The following XXYLT1 variants were observed in gnomAD, a reference collection of about 807,000 sequenced individuals.
XXYLT1 encodes the protein UDP-xylose:alpha-xyloside alpha-1,3-xylosyltransferase.
In XXYLT1, 20 loss-of-function variants were observed where a neutral mutation model predicts 28.9. That is an observed-to-expected ratio of 0.69 (90% confidence interval 0.49 to 1.00). The LOEUF is 1.00. Ranked by LOEUF, XXYLT1 falls within the 50% of genes least tolerant of loss-of-function variation. The pLI, the probability that XXYLT1 is intolerant of heterozygous loss-of-function variation, is 0.00. For synonymous variants in XXYLT1, 257 were observed against 253.8 expected, an observed-to-expected ratio of 1.01 and a Z score of -0.12; for missense variants, 542 against 560.1, an observed-to-expected ratio of 0.97 and a Z score of 0.33.
Position 195,255,443 on chromosome 3 carries a change from C to A in XXYLT1, c.504+15112G>T, listed in dbSNP as rs1056815857. ...GGCAATGGGTTGGAGGGAGCCATGA[C>A]TCTGGGCCTGCAGCTGAGGAGGCTG... On this transcript the variant is annotated intron_variant, in intron 1 of 3. Transcript: ENST00000310380. The surrounding 1 kb of genome is among the most constrained non-coding windows in gnomAD (Gnocchi z 4.5). Among the ~76,000 whole-genome samples, 1 of 151,100 alleles carries A rather than the reference C, an allele frequency of 6.6e-6. No homozygotes were observed. The highest frequency in any genetic ancestry group is 1.5e-5 in the Non-Finnish European group (1 of 67,384).
At chr3:195,261,686 G>GT (rs983281625) in intron 1 of XXYLT1, among the ~76,000 whole-genome samples, 3 of 152,088 alleles carry the variant, frequency 2.0e-5, no homozygotes, top group South Asian at 4.2e-4. Context: ...GTTTTTTGGG[G>GT]TTTTTTTAAG....
chr3:195,239,797 C>T (rs544688249), intron 1 of XXYLT1, among the ~76,000 whole-genome samples: 6 of 152,232 alleles, frequency 3.9e-5, no homozygotes, highest in Non-Finnish European at 7.4e-5. Flanking sequence ...GTGTTGGATA[C>T]GGTTCCCTGT....
At chr3:195,236,305 C>T (rs190973610) in intron 1 of XXYLT1, among the ~76,000 whole-genome samples, 287 of 152,192 alleles carry the variant, frequency 1.9e-3, no homozygotes, top group African/African-American at 6.8e-3. Flanking sequence ...GCAACAAAAC[C>T]ACAAGATAAA....
At chr3:195,243,359 T>TAAA (rs550882445) in intron 1 of XXYLT1, among the ~76,000 whole-genome samples, 2 of 140,898 alleles carry the variant, frequency 1.4e-5, no homozygotes, top group African/African-American at 5.2e-5. Flanking sequence ...CAAAGTATAA[T>TAAA]AAAAAAAAAA....
At chr3:195,082,716 G>C (rs1373839405) in intron 3 of XXYLT1, among the ~76,000 whole-genome samples, 1 of 152,148 alleles carries the variant, frequency 6.6e-6, no homozygotes, top group Non-Finnish European at 1.5e-5. Flanking sequence ...GGGTGTGGTG[G>C]CGCGTGCCTA....
rs887712934 is a variant in XXYLT1 at position 195,141,108 on chromosome 3, C to T, written c.785+15341G>A. Among the ~76,000 whole-genome samples the T allele has an allele frequency of 1.6e-4, 24 of 152,274 alleles. 1 individual carries two copies. Among genetic ancestry groups the T allele is most frequent in the Admixed American group, 2.6e-4 (4 of 15,298 alleles). On this transcript the variant is annotated intron_variant, in intron 3 of 3. Transcript: ENST00000310380. ...TGCCAGCACCTTGATCTTGGACTTC[C>T]CAGCCTAAAGAACTGTGAGCAATAA...
intron 2 of XXYLT1, among the ~76,000 whole-genome samples, chr3:195,171,607 C>T (rs140335810): frequency 1.3e-5 from 2 of 152,174 alleles, no homozygotes; most frequent in African/African-American, 2.4e-5. Context: ...TGCAGTTTCC[C>T]GATCTCCATG....
intron 1 of XXYLT1, among the ~76,000 whole-genome samples, chr3:195,243,415 G>A (rs545775688): frequency 6.4e-4 from 96 of 150,678 alleles, no homozygotes; most frequent in African/African-American, 2.1e-3. Flanking sequence ...AATTTCCACC[G>A]AGAACCTTTA....
intron 2 of XXYLT1, among the ~76,000 whole-genome samples, chr3:195,224,155 G>A (rs760603298): frequency 6.6e-6 from 1 of 151,200 alleles, no homozygotes; most frequent in East Asian, 1.9e-4. Flanking sequence ...GCAAAACTCC[G>A]CCTAAAAATA....
chr3:195,216,007 G>C (rs1196548777), intron 2 of XXYLT1, among the ~76,000 whole-genome samples: 7 of 151,054 alleles, frequency 4.6e-5, no homozygotes, highest in African/African-American at 1.5e-4. Context: ...TAGAACTCAG[G>C]ATTAAGAATC....
chr3:195,142,300 TTTATCTTTACTTACTA>T (rs1719533508), intron 3 of XXYLT1, among the ~76,000 whole-genome samples: 1 of 152,240 alleles, frequency 6.6e-6, no homozygotes, highest in African/African-American at 2.4e-5. Flanking sequence ...TCTCATGATG[TTTATCTTTACTTACTA>T]TGGTGGGCAG....
chr3:195,139,679 G>C (rs1719385866), intron 3 of XXYLT1, among the ~76,000 whole-genome samples: 3 of 152,086 alleles, frequency 2.0e-5, no homozygotes. Flanking sequence ...ATAAGACAAA[G>C]GCCCCTTCCC....
chr3:195,221,365 G>A (rs1477549780), intron 2 of XXYLT1, among the ~76,000 whole-genome samples: 3 of 152,210 alleles, frequency 2.0e-5, no homozygotes, highest in African/African-American at 7.2e-5. Flanking sequence ...ACTGACATGA[G>A]CCCATGAAGC....
chr3:195,175,511 T>TGTG (rs200404095), intron 2 of XXYLT1: 132,664 of 1,468,968 alleles, frequency 0.09, 7,425 homozygotes, highest in East Asian at 0.25. Flanking sequence ...GCATGTTGAC[T>TGTG]TTGCTGCACC....
At chr3:195,197,309 C>T (rs751771087) in intron 2 of XXYLT1, among the ~76,000 whole-genome samples, 2 of 152,030 alleles carry the variant, frequency 1.3e-5, no homozygotes. Context: ...TGGTGGTGCA[C>T]GCCTGTAGTC....
Position 195,265,187 on chromosome 3 carries a change from T to C in XXYLT1, c.504+5368A>G, listed in dbSNP as rs138328925. Among the ~76,000 whole-genome samples, 589 of 151,758 alleles carry C rather than the reference T, an allele frequency of 3.9e-3. 6 individuals are homozygous for C. Among genetic ancestry groups the C allele is most frequent in the African/African-American group, 0.014 (570 of 41,364 alleles). On this transcript the variant is annotated intron_variant, in intron 1 of 3. Transcript: ENST00000310380. ...GAGTTCATGACCAGCCTGGCCAACA[T>C]AGTGAAACGCCATCTCTGCTAAAAA...
intron 2 of XXYLT1, among the ~76,000 whole-genome samples, chr3:195,183,160 G>A (rs1010956467): frequency 1.3e-5 from 2 of 152,216 alleles, no homozygotes; most frequent in African/African-American, 2.4e-5. Flanking sequence ...CACTCACTGT[G>A]TGTGATGTGG....
At chr3:195,238,070 C>T (rs1724628195) in intron 1 of XXYLT1, among the ~76,000 whole-genome samples, 1 of 152,140 alleles carries the variant, frequency 6.6e-6, no homozygotes, top group African/African-American at 2.4e-5. Context: ...TCCGACGACT[C>T]GTCGCTCCCT....
At chr3:195,211,309 G>A (rs985076946) in intron 2 of XXYLT1, among the ~76,000 whole-genome samples, 4 of 152,124 alleles carry the variant, frequency 2.6e-5, no homozygotes, top group Middle Eastern at 3.2e-3. Flanking sequence ...CAGGAGAATC[G>A]CTTGAACCAG....
Sources: allele counts gnomAD v4.1 joint callset (sites outside exome capture counted in the v4.1 genomes callset), GRCh38; gene constraint gnomAD v4.1.1; non-coding constraint Gnocchi (gnomAD v3.1); transcripts MANE v1.5; gene names NCBI Gene and HGNC (gene_info 2026-07-23, HGNC 2026-07-21).